Variants in ZNRF3 observed in about 807,000 individuals in gnomAD.
ZNRF3 encodes zinc and ring finger 3, also known as E3 ubiquitin-protein ligase ZNRF3.
ZNRF3 carries 23 observed loss-of-function variants against 72.5 expected under a neutral mutation model. That is an observed-to-expected ratio of 0.32 (90% CI 0.23 to 0.45). The LOEUF (loss-of-function observed/expected upper bound fraction) is 0.45. ZNRF3 is among the 20% of genes least tolerant of loss of function. ZNRF3 has a pLI of 1.00. For synonymous variants in ZNRF3, 610 were observed against 545.3 expected, an observed-to-expected ratio of 1.12 and a Z score of -1.65; for missense variants, 1,169 against 1,272.1, an observed-to-expected ratio of 0.92 and a Z score of 1.23.
At chr22:28,887,408 CAGAG>C (rs139449685) in intron 1 of ZNRF3, among the ~76,000 whole-genome samples, 2,503 of 150,010 alleles carry the variant, frequency 0.017, 35 homozygotes, top group Non-Finnish European at 0.026. Context: ...TTGTCAGTGT[CAGAG>C]AGAGAGAGAG....
intron 2 of ZNRF3, among the ~76,000 whole-genome samples, chr22:29,037,793 C>G (rs1200814832): frequency 6.6e-6 from 1 of 152,094 alleles, no homozygotes; most frequent in Non-Finnish European, 1.5e-5. Context: ...CCTGCCCTGG[C>G]CTGAGCAAGG....
In ZNRF3 at chr22:28,911,066, C is replaced by T. The variant is rs546144011; in HGVS notation, c.300+27000C>T. Among the ~76,000 whole-genome samples, 11 of 152,258 alleles carry T rather than the reference C, an allele frequency of 7.2e-5. No homozygotes were observed. The South Asian group carries it at 2.3e-3, about 32-fold the overall frequency. On this transcript the variant is annotated intron_variant, in intron 1 of 8. Coordinates refer to ENST00000544604, the MANE Select transcript of ZNRF3 (RefSeq NM_001206998.2). ...GTGGGATCTATTGGATTCAGCCTTTCTGAGCCTCAGTCTCCACATCTGCAA... is the reference window on the plus strand; with the variant it reads ...GTGGGATCTATTGGATTCAGCCTTTTTGAGCCTCAGTCTCCACATCTGCAA...
chr22:28,929,300 C>T (rs1038361662), intron 1 of ZNRF3, among the ~76,000 whole-genome samples: 3 of 152,184 alleles, frequency 2.0e-5, no homozygotes, highest in African/African-American at 4.8e-5. Flanking sequence ...TTATTGTAGA[C>T]GTGGTTTCTC....
At chr22:28,930,676 G>A (rs559216179) in intron 1 of ZNRF3, among the ~76,000 whole-genome samples, 3 of 152,332 alleles carry the variant, frequency 2.0e-5, no homozygotes, top group South Asian at 2.1e-4. Context: ...GTTCCATGGC[G>A]CACTGGTATG....
In ZNRF3 at chr22:29,048,296, G is replaced by A; in HGVS notation, c.913-93G>A. ...GGAGAGTAGGGAAGGGCACGGGCATGCTGTGCAGAACTCCTTGGTCTATGC... is the reference window on the plus strand; with the variant it reads ...GGAGAGTAGGGAAGGGCACGGGCATACTGTGCAGAACTCCTTGGTCTATGC... On this transcript the variant is annotated intron_variant, in intron 6 of 8. Coordinates refer to ENST00000544604, the MANE Select transcript of ZNRF3 (RefSeq NM_001206998.2). The surrounding 1 kb of genome is among the most constrained non-coding windows in gnomAD (Gnocchi z 4.9). The A allele has an allele frequency of 1.0e-6, 1 of 972,352 alleles. No homozygotes were observed. The highest frequency in any genetic ancestry group is 2.5e-5 in the East Asian group (1 of 39,560). The allele number at this position is 972,352 out of a possible 1,614,324, so 60.2% of individuals were successfully genotyped here.
At chr22:28,947,609 G>A (rs989355920) in intron 1 of ZNRF3, among the ~76,000 whole-genome samples, 6 of 152,126 alleles carry the variant, frequency 3.9e-5, no homozygotes, top group Non-Finnish European at 8.8e-5. Context: ...CTTCCCTCAT[G>A]CCTAATGACG....
Position 29,050,559 on chromosome 22 carries a change from G to A in ZNRF3, c.2378G>A (p.Gly793Glu), listed in dbSNP as rs762134835. The change falls in exon 8 of 9, where the codon GGG (glycine) becomes GAG (glutamate). Residue 793 changes from glycine to glutamate, a missense_variant. Physicochemically the swap from Gly to Glu is moderately conservative, Grantham distance 98. Coordinates refer to ENST00000544604, the MANE Select transcript of ZNRF3 (RefSeq NM_001206998.2). ...AAGCAGGTGGCCCGCGGGGGCGGAG[G>A]GGGCAGCGGCTGCTACACTGAGGAC... ...EEKQVARGGG[G>E]GSGCYTEDYS... is the part of the protein sequence containing the mutation. 4 of 1,609,728 alleles carry A rather than the reference G, an allele frequency of 2.5e-6. No individual in the cohort carries two copies. The highest frequency in any genetic ancestry group is 1.7e-5 in the Admixed American group (1 of 59,614).
chr22:28,962,156 A>G (rs775871476), intron 1 of ZNRF3, among the ~76,000 whole-genome samples: 3 of 152,242 alleles, frequency 2.0e-5, no homozygotes, highest in Non-Finnish European at 4.4e-5. Context: ...CTCGGTTTGC[A>G]TTTACCGCAT....
At chr22:29,006,264 C>T (rs1374795356) in intron 2 of ZNRF3, among the ~76,000 whole-genome samples, 2 of 134,500 alleles carry the variant, frequency 1.5e-5, no homozygotes, top group Admixed American at 8.6e-5. Context: ...TCCAGGCTAC[C>T]GTGCAATGGC....
At chr22:29,011,287 TG>T (rs1353493009) in intron 2 of ZNRF3, among the ~76,000 whole-genome samples, 3 of 152,206 alleles carry the variant, frequency 2.0e-5, no homozygotes, top group Non-Finnish European at 4.4e-5. Context: ...TGCCCTAGGC[TG>T]GCTGCGGGGG....
chr22:28,917,601 C>G (rs1418892359), intron 1 of ZNRF3: 3 of 224,502 alleles, frequency 1.3e-5, no homozygotes, highest in Non-Finnish European at 1.5e-5. Flanking sequence ...ACTTGTAAGG[C>G]TGATGCGGGA....
intron 2 of ZNRF3, among the ~76,000 whole-genome samples, chr22:29,004,296 GCTT>G (rs149805019): frequency 0.011 from 1,679 of 152,252 alleles, 39 homozygotes; most frequent in African/African-American, 0.039. Flanking sequence ...TAGTCATATT[GCTT>G]CTTCTTCCTT....
intron 1 of ZNRF3, among the ~76,000 whole-genome samples, chr22:28,954,470 T>C (rs1485110166): frequency 6.6e-6 from 1 of 152,188 alleles, no homozygotes; most frequent in African/African-American, 2.4e-5. Flanking sequence ...AAGTGCATAT[T>C]GGGGGAGTTA....
intron 2 of ZNRF3, among the ~76,000 whole-genome samples, chr22:29,034,474 C>T (rs115001878): frequency 2.6e-5 from 4 of 152,146 alleles, no homozygotes; most frequent in East Asian, 1.9e-4. Context: ...GCAGAGTCCT[C>T]AAGCGTGCTC....
intron 2 of ZNRF3, among the ~76,000 whole-genome samples, chr22:29,008,599 C>A (rs2036298254): frequency 6.6e-6 from 1 of 152,176 alleles, no homozygotes; most frequent in African/African-American, 2.4e-5. Flanking sequence ...TGAATGAGTT[C>A]TGTTTTCCTT....
chr22:29,006,291 G>A (rs1333358624), intron 2 of ZNRF3, among the ~76,000 whole-genome samples: 2 of 132,610 alleles, frequency 1.5e-5, no homozygotes, highest in Admixed American at 8.9e-5. Context: ...TCGGCTCACC[G>A]CAACCTCCAC....
intron 1 of ZNRF3, among the ~76,000 whole-genome samples, chr22:28,964,779 C>T (rs531601833): frequency 3.9e-4 from 60 of 152,356 alleles, no homozygotes; most frequent in Admixed American, 1.6e-3. Flanking sequence ...CAGGGCATCC[C>T]GCAGCTCACG....
chr22:28,932,911 T>C (rs2034733996), intron 1 of ZNRF3, among the ~76,000 whole-genome samples: 1 of 152,206 alleles, frequency 6.6e-6, no homozygotes, highest in South Asian at 2.1e-4. Flanking sequence ...ATACTGTCTG[T>C]TCTCTCTGAT....
intron 1 of ZNRF3, among the ~76,000 whole-genome samples, chr22:28,979,549 T>C (rs1045125832): frequency 2.0e-5 from 3 of 152,228 alleles, no homozygotes; most frequent in African/African-American, 7.2e-5. Flanking sequence ...GTCCTGGAAA[T>C]GTCTTTGATG....
Sources: gnomAD v4.1 joint callset for allele counts (sites outside exome capture counted in the v4.1 genomes callset) on GRCh38, gnomAD v4.1.1 for gene constraint, Gnocchi (gnomAD v3.1) non-coding constraint, MANE v1.5 for transcripts, NCBI Gene and HGNC (gene_info 2026-07-23, HGNC 2026-07-21) for gene names.